Variants in NXNL2 observed in about 807,000 individuals in gnomAD.
NXNL2 encodes the protein nucleoredoxin like 2.
A neutral mutation model predicts 11.1 loss-of-function variants in NXNL2; 7 were observed. The ratio of observed to expected loss-of-function variants is 0.63; its 90% confidence interval spans 0.36 to 1.18. NXNL2 has a LOEUF of 1.18. Among genes scored for constraint, NXNL2 ranks in the 50% most tolerant of loss-of-function variants. NXNL2 has a pLI of 0.02. For synonymous variants in NXNL2, 109 were observed against 101.8 expected (o/e 1.07, Z -0.42); for missense variants, 233 against 217.7 (o/e 1.07, Z -0.44).
chr9:88,541,960 G>A (rs898613389), intron 1 of NXNL2, among the ~76,000 whole-genome samples: 1 of 152,086 alleles, frequency 6.6e-6, no homozygotes, highest in African/African-American at 2.4e-5. Context: ...GCTGAGCACA[G>A]TGGCTCATGC....
chr9:88,538,488 C>T (rs1420941564), intron 1 of NXNL2: 1 of 152,232 alleles, frequency 6.6e-6, no homozygotes, highest in Non-Finnish European at 1.5e-5. Flanking sequence ...GGCTCGCCTT[C>T]TGCCACGTCT....
At chr9:88,563,955 A>G (rs1025364406) in intron 1 of NXNL2, among the ~76,000 whole-genome samples, 6 of 152,010 alleles carry the variant, frequency 3.9e-5, no homozygotes, top group Non-Finnish European at 8.8e-5. Context: ...TCACACCTGT[A>G]ATCCTAGCAC....
chr9:88,544,288 T>C (rs560737301), intron 1 of NXNL2, 91 bp from the exon 2 acceptor site: 5 of 1,181,710 alleles, frequency 4.2e-6, no homozygotes, highest in Admixed American at 2.2e-5. Context: ...TTCCTCCAAG[T>C]TGGCTGTACC....
chr9:88,549,322 C>T (rs973858120), downstream of NXNL2, among the ~76,000 whole-genome samples: 16 of 152,310 alleles, frequency 1.1e-4, no homozygotes, highest in East Asian at 3.9e-4. Context: ...GGCTGCTCCA[C>T]GGCTCTCTCC....
chr9:88,570,113 T>A (rs1313200395), intron 1 of NXNL2, among the ~76,000 whole-genome samples: 2 of 151,860 alleles, frequency 1.3e-5, no homozygotes, highest in African/African-American at 4.8e-5. Context: ...ATTAATTAAT[T>A]TTTTTATTTT....
chr9:88,570,838 G>T (rs941485342), intron 1 of NXNL2, among the ~76,000 whole-genome samples: 34 of 152,004 alleles, frequency 2.2e-4, no homozygotes, highest in Admixed American at 2.2e-3. Context: ...CGCCTCCTGG[G>T]TTCAAACGAT....
intron 1 of NXNL2, among the ~76,000 whole-genome samples, chr9:88,564,280 A>G (rs1266072642): frequency 3.0e-4 from 37 of 122,358 alleles, no homozygotes; most frequent in African/African-American, 1.1e-3. Context: ...CTATCTATCT[A>G]TCTATTATCT....
chr9:88,544,185 A>G (rs368626276), intron 1 of NXNL2, among the ~76,000 whole-genome samples, 194 bp from the exon 2 acceptor site: 1 of 152,124 alleles, frequency 6.6e-6, no homozygotes, highest in East Asian at 1.9e-4. Flanking sequence ...AAAGAAAAAG[A>G]AAAAGAAAAA....
chr9:88,582,423 C>T (rs866371637), intron 1 of NXNL2, among the ~76,000 whole-genome samples: 29 of 151,822 alleles, frequency 1.9e-4, no homozygotes, highest in African/African-American at 7.0e-4. Flanking sequence ...GAGCCGAGAT[C>T]GCACCACTGC....
At position 88,544,599 on chromosome 9, in the gene NXNL2, C is replaced by A; in HGVS notation, c.*52C>A. ...ACAGGTGCTGCTTCTCCAGCACCGA[C>A]GCTGGGGCAAAGAGGAGCATGTTGG... On this transcript the variant is annotated 3_prime_UTR_variant, in exon 2 of 2. Coordinates refer to ENST00000375854, the MANE Select transcript of NXNL2 (RefSeq NM_001161625.2). 1 of 1,462,220 alleles carries A rather than the reference C, an allele frequency of 6.8e-7. No homozygotes were observed. Among genetic ancestry groups the A allele is most frequent in the Non-Finnish European group, 9.1e-7 (1 of 1,102,558 alleles). 90.6% of individuals were successfully genotyped at this position (1,462,220 alleles called of 1,614,324 possible).
At chr9:88,557,387 A>G (rs2118480994) in intron 1 of NXNL2, among the ~76,000 whole-genome samples, 1 of 152,270 alleles carries the variant, frequency 6.6e-6, no homozygotes, top group South Asian at 2.1e-4. Context: ...CAAATTTTCC[A>G]AATTTTCCTA....
At chr9:88,560,388 A>C (rs1830071781) in intron 1 of NXNL2, among the ~76,000 whole-genome samples, 1 of 151,952 alleles carries the variant, frequency 6.6e-6, no homozygotes, top group Non-Finnish European at 1.5e-5. Flanking sequence ...GCTAAACCTC[A>C]CTTGTCATCG....
intron 1 of NXNL2, among the ~76,000 whole-genome samples, chr9:88,541,347 A>G (rs1178701731): frequency 6.6e-6 from 1 of 151,914 alleles, no homozygotes; most frequent in Non-Finnish European, 1.5e-5. Flanking sequence ...TGCAACCTCA[A>G]ACTCCTGGGT....
intron 2 of NXNL2, among the ~76,000 whole-genome samples, chr9:88,573,491 T>C (rs972672693): frequency 6.6e-6 from 1 of 152,236 alleles, no homozygotes; most frequent in Non-Finnish European, 1.5e-5. Context: ...TTGGGTGATA[T>C]TGGAGAAATG....
chr9:88,574,098 T>C (rs910700744), intron 2 of NXNL2, among the ~76,000 whole-genome samples: 7 of 152,222 alleles, frequency 4.6e-5, no homozygotes, highest in Admixed American at 1.3e-4. Context: ...TCATATGGTC[T>C]AGCAATTCCA....
At chr9:88,582,896 G>C (rs1213329605) in intron 1 of NXNL2, among the ~76,000 whole-genome samples, 1 of 152,184 alleles carries the variant, frequency 6.6e-6, no homozygotes. Flanking sequence ...TCGAACTCCT[G>C]ACCTCAAGGG....
intron 1 of NXNL2, among the ~76,000 whole-genome samples, chr9:88,565,369 A>G (rs1051768298): frequency 2.6e-5 from 4 of 152,156 alleles, no homozygotes; most frequent in African/African-American, 9.7e-5. Flanking sequence ...CTTTTGGATA[A>G]ATACCAAGAA....
chr9:88,571,337 T>C (rs1335563138), intron 2 of NXNL2: 3 of 211,826 alleles, frequency 1.4e-5, no homozygotes, highest in Non-Finnish European at 2.9e-5. Context: ...TCCAAGGTGC[T>C]GGGATTACAT....
At chr9:88,561,760 A>G (rs1174225977) in intron 1 of NXNL2, among the ~76,000 whole-genome samples, 2 of 152,190 alleles carry the variant, frequency 1.3e-5, no homozygotes, top group African/African-American at 4.8e-5. Flanking sequence ...CAGCCATGAC[A>G]TGACACTGGT....
Sources: gnomAD v4.1 joint callset for allele counts (sites outside exome capture counted in the v4.1 genomes callset) on GRCh38, gnomAD v4.1.1 for gene constraint, MANE v1.5 for transcripts, NCBI Gene and HGNC (gene_info 2026-07-23, HGNC 2026-07-21) for gene names.